TMOD3: variants seen among roughly 807,000 people sequenced by gnomAD.
TMOD3 encodes the protein tropomodulin-3.
Under a neutral mutation model 39.2 loss-of-function variants are expected in TMOD3, and 20 were observed. The ratio of observed to expected loss-of-function variants is 0.51; its 90% CI spans 0.36 to 0.74. The LOEUF is 0.74. Ranked by LOEUF, TMOD3 falls within the 30% of genes least tolerant of loss-of-function variation. The probability of loss-of-function intolerance (pLI) is 0.00; values close to 1 mark genes in which losing one functional copy is unlikely to be tolerated. For missense variants in TMOD3, 381 were observed against 412.8 expected (o/e 0.92, Z 0.67); for synonymous variants, 143 against 145.8 (o/e 0.98, Z 0.14).
At chr15:51,859,264 G>T in intron 1 of TMOD3, 1 of 739,916 alleles carries the variant, frequency 1.4e-6, no homozygotes, top group South Asian at 1.3e-5. Flanking sequence ...TTCATTGCTC[G>T]CCAGTAGATC....
chr15:51,907,842 C>T (rs113292282), intron 9 of TMOD3, among the ~76,000 whole-genome samples: 2,333 of 152,306 alleles, frequency 0.015, 67 homozygotes, highest in East Asian at 0.075. Context: ...TTTGACATCA[C>T]CAGTCCAGGA....
chr15:51,839,127 A>C (rs1017389024), intron 1 of TMOD3, among the ~76,000 whole-genome samples: 4 of 148,824 alleles, frequency 2.7e-5, no homozygotes, highest in African/African-American at 9.9e-5. Flanking sequence ...TGTTCCCTGC[A>C]TCTGGCAGAT....
chr15:51,895,201 A>G (rs2056614421), intron 6 of TMOD3, among the ~76,000 whole-genome samples: 1 of 151,486 alleles, frequency 6.6e-6, no homozygotes, highest in Admixed American at 6.6e-5. Context: ...GCTTATATTC[A>G]TAGTTGATTA....
At chr15:51,834,768 A>G (rs1314207174) in intron 1 of TMOD3, among the ~76,000 whole-genome samples, 3 of 152,200 alleles carry the variant, frequency 2.0e-5, no homozygotes, top group Admixed American at 1.3e-4. Context: ...TGGAGGCTAC[A>G]GTGAGTTGTT....
chr15:51,868,034 A>G (rs1595898456), intron 2 of TMOD3, among the ~76,000 whole-genome samples: 1 of 152,214 alleles, frequency 6.6e-6, no homozygotes, highest in Non-Finnish European at 1.5e-5. Context: ...AAACAATGAT[A>G]GTGATTGTAG....
At chr15:51,858,821 A>G (rs2056401351) in intron 1 of TMOD3, among the ~76,000 whole-genome samples, 1 of 152,126 alleles carries the variant, frequency 6.6e-6, no homozygotes, top group Non-Finnish European at 1.5e-5. Flanking sequence ...GACTTATGGT[A>G]GGTCTGGCCT....
chr15:51,890,001 C>T (rs897899547), intron 5 of TMOD3, among the ~76,000 whole-genome samples: 4 of 152,092 alleles, frequency 2.6e-5, no homozygotes, highest in African/African-American at 9.7e-5. Context: ...CCTCTACTTC[C>T]CCAAACACCA....
intron 8 of TMOD3, chr15:51,901,619 T>A: frequency 1.3e-5 from 4 of 311,462 alleles, no homozygotes; most frequent in Non-Finnish European, 1.8e-5. Flanking sequence ...GTGTATAAAG[T>A]TCCAGTGAGG....
rs370535929 is a variant in TMOD3 at position 51,901,931 on chromosome 15, A to G, written c.919A>G (p.Lys307Glu). The change falls in exon 9 of 10, where the codon AAG becomes GAG. Residue 307 changes from lysine (K) to glutamate (E), a missense_variant. By Grantham distance (56) the Lys-to-Glu change is moderately conservative. Coordinates refer to ENST00000308580, the MANE Select transcript of TMOD3 (RefSeq NM_014547.5). ...GACAGCTGTAGAATTGGAAATGGCC[A>G]AGATGCTTGAGGAAAATACAAATAT... ...LGTAVELEMA[K>E]MLEENTNILK... 1 of 1,614,062 alleles carries G rather than the reference A, an allele frequency of 6.2e-7. No individual in the cohort carries two copies. The highest frequency in any genetic ancestry group is 8.5e-7 in the Non-Finnish European group (1 of 1,180,032).
Position 51,849,353 on chromosome 15 carries a change from A to C in TMOD3, c.-74-13458A>C, listed in dbSNP as rs139903937. Among the ~76,000 whole-genome samples, 321 of 152,330 alleles carry C rather than the reference A, an allele frequency of 2.1e-3. 4 individuals are homozygous for C. The highest frequency in any genetic ancestry group is 0.018 in the Admixed American group (283 of 15,302). ...TTAGCCATCCAAGTGGAGATTTTAC[A>C]TGGATAGTTATTTGCAAGTATGGAA... On this transcript the variant is annotated intron_variant, in intron 1 of 9. Transcript: ENST00000308580.
intron 7 of TMOD3, chr15:51,899,047 T>C (rs2056635922): frequency 6.6e-6 from 1 of 152,258 alleles, no homozygotes; most frequent in African/African-American, 2.4e-5. Context: ...ATTAGCCCCT[T>C]CTTCTCAATG....
At chr15:51,864,500 A>T (rs991846313) in intron 2 of TMOD3, among the ~76,000 whole-genome samples, 4 of 152,100 alleles carry the variant, frequency 2.6e-5, no homozygotes, top group African/African-American at 9.7e-5. Context: ...ACACACTGAA[A>T]CTACTGCCTT....
intron 1 of TMOD3, among the ~76,000 whole-genome samples, chr15:51,858,814 T>A (rs1313011906): frequency 6.6e-6 from 1 of 152,170 alleles, no homozygotes; most frequent in East Asian, 1.9e-4. Flanking sequence ...CATTTAGGAC[T>A]TATGGTAGGT....
chr15:51,868,933 C>G (rs2056460906), intron 2 of TMOD3, among the ~76,000 whole-genome samples: 1 of 152,190 alleles, frequency 6.6e-6, no homozygotes, highest in South Asian at 2.1e-4. Flanking sequence ...GATCATGCCA[C>G]TGCACTCCAG....
chr15:51,900,891 T>C (rs1353907171), intron 8 of TMOD3: 2 of 152,260 alleles, frequency 1.3e-5, no homozygotes, highest in Non-Finnish European at 2.9e-5. Flanking sequence ...TCTTAAAGTA[T>C]ACAGCTAAAT....
At chr15:51,874,762 T>A (rs2056493109) in intron 3 of TMOD3, among the ~76,000 whole-genome samples, 1 of 152,210 alleles carries the variant, frequency 6.6e-6, no homozygotes, top group Non-Finnish European at 1.5e-5. Flanking sequence ...CTAAGAATTT[T>A]TTTTCCCTGT....
rs10700020 is a variant in TMOD3, at chr15:51,914,014, C to CAAAAAA, written c.*5218_*5223dup. On this transcript the variant is annotated 3_prime_UTR_variant, in exon 10 of 10. Coordinates refer to ENST00000308580, the MANE Select transcript of TMOD3 (RefSeq NM_014547.5). ...GGCAATGAGAGTGAAACTCTTATCT[C>CAAAAAA]AAAAAAAAAAAAAAAAAAAGAGCTA... 1 of 118,390 alleles carries CAAAAAA rather than the reference C, an allele frequency of 8.4e-6. No individual in the cohort carries two copies. The highest frequency in any genetic ancestry group is 9.3e-5 in the Admixed American group (1 of 10,772). The allele number at this position is 118,390 out of a possible 1,614,324, so 7.3% of individuals were successfully genotyped here.
chr15:51,860,076 C>G, intron 1 of TMOD3: 1 of 513,622 alleles, frequency 1.9e-6, no homozygotes, highest in Non-Finnish European at 3.9e-6. Flanking sequence ...TTCTGGCCCT[C>G]CTCTGCTTTG....
chr15:51,880,142 T>G (rs1003469454), intron 3 of TMOD3, among the ~76,000 whole-genome samples: 1 of 152,200 alleles, frequency 6.6e-6, no homozygotes, highest in Non-Finnish European at 1.5e-5. Context: ...TAGTTAGATG[T>G]TTCTCGGGAA....
Sources: allele counts gnomAD v4.1 joint callset (sites outside exome capture counted in the v4.1 genomes callset), GRCh38; gene constraint gnomAD v4.1.1; transcripts MANE v1.5; gene names NCBI Gene and HGNC (gene_info 2026-07-23, HGNC 2026-07-21).